SH2B3: variants seen among roughly 807,000 people sequenced by gnomAD.
SH2B3 encodes the protein SH2B adapter protein 3.
SH2B3 carries 43 observed loss-of-function variants against 51.9 expected under a neutral mutation model. The ratio of observed to expected loss-of-function variants is 0.83; its 90% CI spans 0.65 to 1.07. The LOEUF (loss-of-function observed/expected upper bound fraction) is 1.07. Among genes scored for constraint, SH2B3 ranks in the 50% least tolerant of loss-of-function variants. The probability of loss-of-function intolerance (pLI) is 0.00; values close to 1 mark genes in which losing one functional copy is unlikely to be tolerated. For missense variants in SH2B3, 952 were observed against 834.3 expected (o/e 1.14, Z -1.74); for synonymous variants, 396 against 376.0 (o/e 1.05, Z -0.62).
intron 2 of SH2B3, among the ~76,000 whole-genome samples, chr12:111,436,417 A>G (rs1169013134): frequency 6.6e-6 from 1 of 151,984 alleles, no homozygotes; most frequent in Non-Finnish European, 1.5e-5. Context: ...ATCATCCCTC[A>G]TAAGCCACTG....
At chr12:111,445,284 A>G (rs536130893) in intron 2 of SH2B3, among the ~76,000 whole-genome samples, 1 of 152,274 alleles carries the variant, frequency 6.6e-6, no homozygotes, top group South Asian at 2.1e-4. Context: ...CCAACTGGAA[A>G]AGTAGCAGAA....
chr12:111,409,485 G>A lies in SH2B3; in HGVS notation c.-28+3208G>A, dbSNP rs576814648. Among the ~76,000 whole-genome samples, 10 of 152,350 alleles carry A rather than the reference G, an allele frequency of 6.6e-5. 1 individual carries two copies. Among genetic ancestry groups the A allele is most frequent in the Admixed American group, 1.3e-4 (2 of 15,308 alleles). On this transcript the variant is annotated intron_variant, in intron 1 of 7. Transcript: ENST00000341259. This position sits in a 1 kb window ranked among gnomAD's most constrained non-coding sequence, Gnocchi z 4.0. Reference sequence around the variant, plus strand: ...GGAAGCCGCTGCCGTCTGGCAGACCGGAGACGCCTGCCTCGGCGAGTCCAG... The same window carrying A: ...GGAAGCCGCTGCCGTCTGGCAGACCAGAGACGCCTGCCTCGGCGAGTCCAG...
intron 1 of SH2B3, among the ~76,000 whole-genome samples, chr12:111,408,873 C>T (rs1360865275): frequency 6.6e-6 from 1 of 152,234 alleles, no homozygotes; most frequent in Non-Finnish European, 1.5e-5. Flanking sequence ...CTGTGAAAGG[C>T]TTTAACAGCT....
chr12:111,448,279 G>A lies in SH2B3; in HGVS notation c.1705G>A (p.Asp569Asn), dbSNP rs535015653. The change falls in exon 8 of 8, where the codon GAC becomes AAC. Residue 569 changes from aspartate to asparagine, a missense_variant. Transcript: ENST00000341259. ...SSSRSHLRAI[D>N]NQYTPL ...CTCCCGGAGCCACCTGCGGGCCATAGACAATCAGTACACACCTCTCTGACC... is the reference window on the plus strand; with the variant it reads ...CTCCCGGAGCCACCTGCGGGCCATAAACAATCAGTACACACCTCTCTGACC... The A allele has an allele frequency of 1.2e-6, 2 of 1,613,422 alleles. No homozygotes were observed. Among genetic ancestry groups the A allele is most frequent in the Admixed American group, 1.7e-5 (1 of 59,970 alleles).
intron 2 of SH2B3, chr12:111,444,265 T>C (rs910173167): frequency 6.6e-6 from 1 of 152,164 alleles, no homozygotes; most frequent in African/African-American, 2.4e-5. Context: ...AAGTTAGCTG[T>C]TGAAATAAAT....
At chr12:111,416,841 C>G (rs1038908721) in intron 1 of SH2B3, among the ~76,000 whole-genome samples, 1 of 152,148 alleles carries the variant, frequency 6.6e-6, no homozygotes, top group Non-Finnish European at 1.5e-5. Flanking sequence ...TCTTAGCCAT[C>G]CTTGCTAGAG....
At position 111,429,048 on chromosome 12, in the gene SH2B3, A is replaced by AGGAGGAGGAGGAGGAG. The variant is rs1565977452; in HGVS notation, c.732+10172_732+10173insGAGGAGGAGGAGGAGG. Among the ~76,000 whole-genome samples the AGGAGGAGGAGGAGGAG allele has an allele frequency of 8.0e-6, 1 of 125,126 alleles. No individual in the cohort carries two copies. Among genetic ancestry groups the AGGAGGAGGAGGAGGAG allele is most frequent in the Admixed American group, 7.9e-5 (1 of 12,580 alleles). The allele number at this position is 125,126 out of a possible 152,430, so 82.1% of individuals were successfully genotyped here. On this transcript the variant is annotated intron_variant, in intron 2 of 7. Coordinates refer to ENST00000341259, the MANE Select transcript of SH2B3 (RefSeq NM_005475.3). The surrounding 1 kb of genome is among the most constrained non-coding windows in gnomAD (Gnocchi z 4.4). ...AGGAGGAGGAGGAGGAGGAGGAGGA[A>AGGAGGAGGAGGAGGAG]GAGGAGGAGGAGGAGGAGGAGGGAC...
At chr12:111,422,793 C>T (rs536327884) in intron 2 of SH2B3, among the ~76,000 whole-genome samples, 1 of 152,246 alleles carries the variant, frequency 6.6e-6, no homozygotes, top group South Asian at 2.1e-4. Context: ...AACTCCTGAC[C>T]TCGTGATCCA....
rs538047554 is a variant in SH2B3 at position 111,414,319 on chromosome 12, C to T, written c.-27-3800C>T. ...CAAAACTGTCGACTGTAGCAGGGCA[C>T]GGTGGCTCATGCCTGTAATCCCAGC... On this transcript the variant is annotated intron_variant, in intron 1 of 7. Transcript: ENST00000341259. 2.6e-5 allele frequency among the ~76,000 whole-genome samples: 4 copies of T among 152,268 alleles called. No individual in the cohort carries two copies. In the South Asian group the frequency reaches 8.3e-4, roughly 32 times the overall value.
chr12:111,451,414 C>T lies in SH2B3; in HGVS notation c.*3112C>T, dbSNP rs1417146766. On this transcript the variant is annotated 3_prime_UTR_variant, in exon 8 of 8. Coordinates refer to ENST00000341259, the MANE Select transcript of SH2B3 (RefSeq NM_005475.3). ...GAACTTGCGAGTATATTAACAAGGACACATCTGACATCCTGTGTTTGGTTA... is the reference window on the plus strand; with the variant it reads ...GAACTTGCGAGTATATTAACAAGGATACATCTGACATCCTGTGTTTGGTTA... 6.6e-6 allele frequency: 1 copy of T among 152,620 alleles called. No individual in the cohort carries two copies. Among genetic ancestry groups the T allele is most frequent in the East Asian group, 1.9e-4 (1 of 5,202 alleles). The allele number at this position is 152,620 out of a possible 1,614,324, so 9.5% of individuals were successfully genotyped here.
At chr12:111,434,922 C>T in intron 2 of SH2B3, 1 of 1,535,522 alleles carries the variant, frequency 6.5e-7, no homozygotes, top group South Asian at 1.2e-5. Context: ...CGGTGCTGTG[C>T]CGTGGCTGGA....
intron 2 of SH2B3, among the ~76,000 whole-genome samples, chr12:111,424,947 G>A (rs1175401344): frequency 6.6e-6 from 1 of 152,244 alleles, no homozygotes; most frequent in African/African-American, 2.4e-5. Context: ...GTGCCCTGCA[G>A]GAGAGGGAGC....
In SH2B3 at chr12:111,422,568, T is replaced by G. The variant is rs547660551; in HGVS notation, c.732+3691T>G. ...TTTTCATGAAAAGCAGTTTTGTTTT[T>G]TTTTTTTCTTGAGATGGAGTCTCAC... On this transcript the variant is annotated intron_variant, in intron 2 of 7. Coordinates refer to ENST00000341259, the MANE Select transcript of SH2B3 (RefSeq NM_005475.3). 7.0e-4 allele frequency among the ~76,000 whole-genome samples: 106 copies of G among 151,480 alleles called. 2 individuals carry two copies. The highest frequency in any genetic ancestry group is 3.4e-3 in the Middle Eastern group (1 of 290).
intron 2 of SH2B3, among the ~76,000 whole-genome samples, chr12:111,420,803 T>C (rs892845829): frequency 2.0e-5 from 3 of 152,184 alleles, no homozygotes; most frequent in Non-Finnish European, 4.4e-5. Flanking sequence ...TGGTAAACTG[T>C]GTTCTAAAGG....
intron 1 of SH2B3, among the ~76,000 whole-genome samples, chr12:111,417,847 G>A (rs556694580): frequency 6.6e-6 from 1 of 152,226 alleles, no homozygotes; most frequent in African/African-American, 2.4e-5. Flanking sequence ...GTTGAATTTT[G>A]TCAAATACTC....
rs1388671340 is a variant in SH2B3 at position 111,418,475 on chromosome 12, C to T, written c.330C>T (p.Pro110=). 1.5e-6 allele frequency: 2 copies of T among 1,359,714 alleles called. No homozygotes were observed. Among genetic ancestry groups the T allele is most frequent in the African/African-American group, 3.1e-5 (2 of 64,068 alleles). The allele number at this position is 1,359,714 out of a possible 1,614,324, so 84.2% of individuals were successfully genotyped here. ...AEASPEPGPG[P]AAPGLPKARS... ...CGTCCCCGGAGCCAGGCCCCGGCCC[C>T]GCCGCCCCTGGCCTGCCCAAGGCCC... Residue 110 remains proline, a synonymous_variant, in exon 2 of 8, where the codon CCC becomes CCT. Coordinates refer to ENST00000341259, the MANE Select transcript of SH2B3 (RefSeq NM_005475.3). This position sits in a 1 kb window ranked among gnomAD's most constrained non-coding sequence, Gnocchi z 6.7.
rs1871330164 is a variant in SH2B3, at chr12:111,419,000, A to T, written c.732+123A>T. 2 of 940,026 alleles carry T rather than the reference A, an allele frequency of 2.1e-6. No homozygotes were observed. The highest frequency in any genetic ancestry group is 4.3e-5 in the Admixed American group (1 of 23,284). The allele number at this position is 940,026 out of a possible 1,614,324, so 58.2% of individuals were successfully genotyped here. A position where few individuals can be genotyped will look rare whatever the true frequency, so the allele number is the denominator to read the frequency against. The stretch of plus-strand genomic sequence containing the variant: ...TGGTGGCCACAGAGTGTCCAGAGGG[A>T]ACTAGGCCCTCTTAAAAAAGAACTT... On this transcript the variant is annotated intron_variant, in intron 2 of 7. Coordinates refer to ENST00000341259, the MANE Select transcript of SH2B3 (RefSeq NM_005475.3). This position sits in a 1 kb window ranked among gnomAD's most constrained non-coding sequence, Gnocchi z 6.7.
At position 111,409,342 on chromosome 12, in the gene SH2B3, A is replaced by G. The variant is rs1041728462; in HGVS notation, c.-28+3065A>G. On this transcript the variant is annotated intron_variant, in intron 1 of 7. Transcript: ENST00000341259. The surrounding 1 kb of genome is among the most constrained non-coding windows in gnomAD (Gnocchi z 4.0). Reference sequence around the variant, plus strand: ...GTGCCCGGCATGCAATTGGCACTCAATAAGTGCAAGCCATTGCTGTTCATG... The same window carrying G: ...GTGCCCGGCATGCAATTGGCACTCAGTAAGTGCAAGCCATTGCTGTTCATG... Among the ~76,000 whole-genome samples the G allele has an allele frequency of 2.0e-5, 3 of 152,362 alleles. No homozygotes were observed. Among genetic ancestry groups the G allele is most frequent in the South Asian group, 2.1e-4 (1 of 4,830 alleles).
At chr12:111,436,372 C>T (rs189419112) in intron 2 of SH2B3, among the ~76,000 whole-genome samples, 2 of 152,324 alleles carry the variant, frequency 1.3e-5, no homozygotes, top group Admixed American at 6.5e-5. Context: ...GGGAAGGTGC[C>T]CACTGCGGGG....
Sources: allele counts gnomAD v4.1 joint callset (sites outside exome capture counted in the v4.1 genomes callset), GRCh38; gene constraint gnomAD v4.1.1; non-coding constraint Gnocchi (gnomAD v3.1); transcripts MANE v1.5; gene names NCBI Gene and HGNC (gene_info 2026-07-23, HGNC 2026-07-21).